The following FREM2 variants were observed in gnomAD, a reference collection of about 807,000 sequenced individuals.
FREM2 encodes the protein FRAS1 related extracellular matrix 2, also known as FRAS1-related extracellular matrix protein 2.
FREM2 carries 119 observed loss-of-function variants against 219.9 expected under a neutral mutation model. That is an observed-to-expected ratio of 0.54 (90% CI 0.47 to 0.63). FREM2 has a LOEUF of 0.63. FREM2 is among the 30% of genes least tolerant of loss of function. FREM2 has a pLI of 0.00. For synonymous variants in FREM2, 1,562 were observed against 1,522.8 expected (o/e 1.03, Z -0.60); for missense variants, 4,030 against 3,993.6 (o/e 1.01, Z -0.25).
At chr13:38,797,418 A>T (rs1212634477) in intron 6 of FREM2, among the ~76,000 whole-genome samples, 2 of 152,084 alleles carry the variant, frequency 1.3e-5, no homozygotes, top group African/African-American at 4.8e-5. Context: ...AATGTCTATC[A>T]TCTCCTTAGC....
chr13:38,720,770 G>C (rs963979451), intron 2 of FREM2, among the ~76,000 whole-genome samples: 1 of 152,162 alleles, frequency 6.6e-6, no homozygotes, highest in African/African-American at 2.4e-5. Context: ...AGGCTCAAAA[G>C]AGAGGGGGAA....
intron 2 of FREM2, among the ~76,000 whole-genome samples, chr13:38,711,975 A>G (rs528904564): frequency 2.9e-5 from 4 of 136,118 alleles, no homozygotes; most frequent in Non-Finnish European, 6.0e-5. Context: ...GCTGGAGTGC[A>G]GTGGTGTGAT....
intron 14 of FREM2, among the ~76,000 whole-genome samples, chr13:38,860,594 G>A (rs1026277700): frequency 5.3e-5 from 8 of 152,140 alleles, no homozygotes; most frequent in Non-Finnish European, 1.0e-4. Context: ...CAGCCTCTAT[G>A]CTGGGGCCTG....
chr13:38,846,648 G>C lies in FREM2; in HGVS notation c.6095G>C (p.Arg2032Thr). The C allele has an allele frequency of 6.2e-7, 1 of 1,613,830 alleles. No homozygotes were observed. The highest frequency in any genetic ancestry group is 8.5e-7 in the Non-Finnish European group (1 of 1,179,776). ...SAGYVEVQVW[R>T]TGTDLSKSSS... ...GGCTATGTGGAAGTGCAGGTGTGGA[G>C]AACGGGCACTGACCTGTCCAAGTCT... Residue 2032 changes from arginine to threonine, a missense_variant, in exon 7 of 24, where the codon AGA becomes ACA. This residue lies in a region of FREM2 where 3,102 missense variants were observed against 2,950.7 expected (regional missense o/e 1.05). Transcript: ENST00000280481.
At chr13:38,761,779 G>T (rs1873235125) in intron 2 of FREM2, among the ~76,000 whole-genome samples, 1 of 152,118 alleles carries the variant, frequency 6.6e-6, no homozygotes, top group South Asian at 2.1e-4. Flanking sequence ...AAGAATAGGG[G>T]TCCTCATTTT....
chr13:38,769,747 C>G lies in FREM2; in HGVS notation c.5580C>G (p.Pro1860=). 1 of 1,614,106 alleles carries G rather than the reference C, an allele frequency of 6.2e-7. No homozygotes were observed. The highest frequency in any genetic ancestry group is 8.5e-7 in the Non-Finnish European group (1 of 1,180,006). The part of the protein sequence containing the change: ...SETFQVVLSE[P]VLAALEFPTV... ...CCTTTCAGGTGGTACTCTCAGAGCC[C>G]GTGCTGGCTGCCTTGGAATTCCCCA... The change falls in exon 4 of 24, where the codon CCC becomes CCG. Residue 1860 remains proline (P), a synonymous_variant. Coordinates refer to ENST00000280481, the MANE Select transcript of FREM2 (RefSeq NM_207361.6).
intron 10 of FREM2, 23 bp from the exon 11 acceptor site, chr13:38,851,663 G>T: frequency 1.3e-6 from 2 of 1,542,966 alleles, no homozygotes; most frequent in Non-Finnish European, 1.8e-6. Context: ...AATTTCATTT[G>T]TCTTTGTTTC....
rs757816272 is a variant in FREM2, at chr13:38,864,280, C to T, written c.7657C>T (p.Leu2553Phe). 17 of 1,610,836 alleles carry T rather than the reference C, an allele frequency of 1.1e-5. No homozygotes were observed. Among genetic ancestry groups the T allele is most frequent in the South Asian group, 7.7e-5 (7 of 90,912 alleles). The change falls in exon 16 of 24, where the codon CTC becomes TTC. Residue 2553 changes from leucine (L) to phenylalanine (F), a missense_variant. Leu to Phe is a conservative substitution (Grantham distance 22). Coordinates refer to ENST00000280481, the MANE Select transcript of FREM2 (RefSeq NM_207361.6). ...ATGATTTCGATTTATCATAGGCATG[C>T]TCCCCGTGATCTCCACTAGAGAGCT... Reference protein sequence around the residue: ...TVTMPHIDGMLPVISTRELSN... With the variant: ...TVTMPHIDGMFPVISTRELSN...
intron 3 of FREM2, among the ~76,000 whole-genome samples, chr13:38,769,361 A>G (rs1303211333): frequency 6.6e-6 from 1 of 152,208 alleles, no homozygotes; most frequent in East Asian, 1.9e-4. Flanking sequence ...TAGCAAAACC[A>G]TAATTGAGGC....
chr13:38,806,048 C>T (rs1277756666), intron 6 of FREM2, among the ~76,000 whole-genome samples: 1 of 149,040 alleles, frequency 6.7e-6, no homozygotes, highest in East Asian at 2.0e-4. Flanking sequence ...TGCAAAATTA[C>T]AGGATTCATT....
chr13:38,845,619 T>A lies in FREM2; in HGVS notation c.6020-954T>A, dbSNP rs371485492. Reference sequence around the variant, plus strand: ...ATTGCTTATAAAAATAAGCTCAAAATGAGTGAAGTATATACTACTTTTGCA... The same window carrying A: ...ATTGCTTATAAAAATAAGCTCAAAAAGAGTGAAGTATATACTACTTTTGCA... On this transcript the variant is annotated intron_variant, in intron 6 of 23. Coordinates refer to ENST00000280481, the MANE Select transcript of FREM2 (RefSeq NM_207361.6). Among the ~76,000 whole-genome samples, 69 of 152,342 alleles carry A rather than the reference T, an allele frequency of 4.5e-4. 1 individual carries two copies. In the South Asian group the frequency reaches 0.014, roughly 30 times the overall value.
At chr13:38,779,275 C>A (rs1656781785) in intron 4 of FREM2, 1 of 152,002 alleles carries the variant, frequency 6.6e-6, no homozygotes, top group South Asian at 2.1e-4. Flanking sequence ...ATACCTAATG[C>A]ATGCAGGGCT....
chr13:38,880,259 TAATA>T (rs1341349955), intron 23 of FREM2, 21 bp from the exon 24 acceptor site: 8 of 1,610,208 alleles, frequency 5.0e-6, no homozygotes, highest in Non-Finnish European at 6.8e-6. Flanking sequence ...TAGTATTTCC[TAATA>T]AATAGAGTTG....
In FREM2 at chr13:38,880,503, C is replaced by G. The variant is rs748307174; in HGVS notation, c.9226C>G (p.Gln3076Glu). The change falls in exon 24 of 24, where the codon CAG becomes GAG. Residue 3076 changes from glutamine (Q) to glutamate (E), a missense_variant. Physicochemically the swap from Gln to Glu is conservative, Grantham distance 29. This residue lies in a region of FREM2 where 928 missense variants were observed against 1,042.9 expected (regional missense o/e 0.89). Transcript: ENST00000280481. Reference protein sequence around the residue: ...GAENSRGTNIQHIALDRTKRQ... With the variant: ...GAENSRGTNIEHIALDRTKRQ... Reference sequence around the variant, plus strand: ...TGAAAACAGTCGAGGAACAAACATCCAGCACATTGCCCTGGACCGCACCAA... The same window carrying G: ...TGAAAACAGTCGAGGAACAAACATCGAGCACATTGCCCTGGACCGCACCAA... 5.6e-6 allele frequency: 9 copies of G among 1,614,154 alleles called. No homozygotes were observed. Among genetic ancestry groups the G allele is most frequent in the Non-Finnish European group, 7.6e-6 (9 of 1,180,028 alleles).
intron 2 of FREM2, among the ~76,000 whole-genome samples, chr13:38,741,004 T>C (rs1055539491): frequency 2.6e-5 from 4 of 152,164 alleles, no homozygotes; most frequent in African/African-American, 9.6e-5. Flanking sequence ...CAAACGTCCA[T>C]AGTAATATTA....
rs2137831517 is a variant in FREM2, at chr13:38,784,611, C to G, written c.5822C>G (p.Ser1941Cys). Residue 1941 changes from serine to cysteine, a missense_variant, in exon 6 of 24, where the codon TCC becomes TGC. By Grantham distance (112) the Ser-to-Cys change is moderately radical. This residue lies in a region of FREM2 where 3,102 missense variants were observed against 2,950.7 expected (regional missense o/e 1.05). Coordinates refer to ENST00000280481, the MANE Select transcript of FREM2 (RefSeq NM_207361.6). ...TSVLSYSDYISRPEDHTSVVR... is the reference protein window; with the variant it reads ...TSVLSYSDYICRPEDHTSVVR... Reference sequence around the variant, plus strand: ...GTGTTGTCTTACTCTGATTACATATCCAGGCCTGAGGACCACACCAGTGTT... The same window carrying G: ...GTGTTGTCTTACTCTGATTACATATGCAGGCCTGAGGACCACACCAGTGTT... 2 of 1,614,136 alleles carry G rather than the reference C, an allele frequency of 1.2e-6. No individual in the cohort carries two copies. Among genetic ancestry groups the G allele is most frequent in the South Asian group, 1.1e-5 (1 of 91,088 alleles).
intron 22 of FREM2, among the ~76,000 whole-genome samples, chr13:38,878,537 G>A (rs548342250): frequency 4.0e-5 from 6 of 151,422 alleles, no homozygotes; most frequent in African/African-American, 1.2e-4. Flanking sequence ...AAAATTAGCC[G>A]AGCATCGTGG....
intron 6 of FREM2, among the ~76,000 whole-genome samples, chr13:38,840,682 G>A (rs1291783582): frequency 9.5e-6 from 1 of 105,148 alleles, no homozygotes; most frequent in Non-Finnish European, 2.0e-5. Flanking sequence ...ATGTATACAT[G>A]TGTGTATATA....
chr13:38,702,130 C>A (rs1870367887), intron 2 of FREM2, among the ~76,000 whole-genome samples: 1 of 151,960 alleles, frequency 6.6e-6, no homozygotes, highest in Non-Finnish European at 1.5e-5. Context: ...AATTTAAATC[C>A]CTATGGCACC....
Sources: allele counts gnomAD v4.1 joint callset (sites outside exome capture counted in the v4.1 genomes callset), GRCh38; gene constraint gnomAD v4.1.1; regional missense constraint gnomAD v4.1.1; transcripts MANE v1.5; gene names NCBI Gene and HGNC (gene_info 2026-07-23, HGNC 2026-07-21).